The following GABRG3 variants were observed in gnomAD, a reference collection of about 807,000 sequenced individuals.
The protein encoded by GABRG3 is gamma-aminobutyric acid receptor subunit gamma-3.
Under a neutral mutation model 48.8 loss-of-function variants are expected in GABRG3, and 25 were observed. The observed-to-expected ratio is 0.51, with a 90% CI of 0.37 to 0.72. The LOEUF (loss-of-function observed/expected upper bound fraction) is 0.72. GABRG3 is among the 30% of genes least tolerant of loss of function. GABRG3 has a pLI of 0.00. For missense variants in GABRG3, 394 were observed against 577.9 expected (o/e 0.68, Z 3.26); for synonymous variants, 227 against 217.6 (o/e 1.04, Z -0.38).
chr15:27,298,957 C>A lies in GABRG3; in HGVS notation c.271-27852C>A, dbSNP rs183837075. Among the ~76,000 whole-genome samples the A allele has an allele frequency of 1.1e-3, 173 of 152,100 alleles. 3 individuals carry two copies. The East Asian group carries it at 0.014, about 12-fold the overall frequency. On this transcript the variant is annotated intron_variant, in intron 3 of 9. Transcript: ENST00000615808. ...TTCTGGGTTAAATGAACAACAACAA[C>A]AAAAAATGCTTCATTTTTATCTCCC...
chr15:27,232,513 A>G (rs975380541), intron 3 of GABRG3, among the ~76,000 whole-genome samples: 2 of 152,156 alleles, frequency 1.3e-5, no homozygotes, highest in Admixed American at 6.5e-5. Flanking sequence ...GAATGTAGCC[A>G]TCAGTTAGGA....
intron 3 of GABRG3, among the ~76,000 whole-genome samples, chr15:27,173,045 C>T (rs993961012): frequency 6.6e-6 from 1 of 152,180 alleles, no homozygotes; most frequent in Non-Finnish European, 1.5e-5. Context: ...TGTGAATGCA[C>T]TTAAACAAAC....
intron 3 of GABRG3, among the ~76,000 whole-genome samples, chr15:27,192,754 G>C (rs208144): frequency 0.06 from 9,116 of 152,230 alleles, 639 homozygotes; most frequent in African/African-American, 0.17. Context: ...TTCCATTGCT[G>C]GTGAGGAACT....
intron 5 of GABRG3, among the ~76,000 whole-genome samples, chr15:27,408,183 GAGTA>G (rs1887695018): frequency 6.6e-6 from 1 of 152,192 alleles, no homozygotes; most frequent in African/African-American, 2.4e-5. Context: ...TCTATAACAA[GAGTA>G]AGTATCAGAA....
chr15:27,043,982 G>C (rs1312458676), intron 3 of GABRG3, among the ~76,000 whole-genome samples: 9 of 152,204 alleles, frequency 5.9e-5, no homozygotes, highest in Non-Finnish European at 1.2e-4. Context: ...CCTGGCCTTT[G>C]CCTGGCCTGG....
chr15:27,018,782 T>C (rs966594513), intron 2 of GABRG3, among the ~76,000 whole-genome samples: 23 of 152,114 alleles, frequency 1.5e-4, no homozygotes, highest in African/African-American at 5.3e-4. Flanking sequence ...GGACTCAGAG[T>C]ATTGGCAAAA....
At chr15:27,389,589 T>C (rs1286791972) in intron 5 of GABRG3, among the ~76,000 whole-genome samples, 2 of 152,244 alleles carry the variant, frequency 1.3e-5, no homozygotes, top group Non-Finnish European at 2.9e-5. Context: ...ACATGCCTGA[T>C]GTTTTCAGGT....
At chr15:27,031,368 G>A (rs1896083528) in intron 3 of GABRG3, among the ~76,000 whole-genome samples, 1 of 152,064 alleles carries the variant, frequency 6.6e-6, no homozygotes, top group Admixed American at 6.6e-5. Flanking sequence ...TATTTTTACT[G>A]TTTCCATAGT....
At chr15:27,219,154 C>T (rs1889366361) in intron 3 of GABRG3, among the ~76,000 whole-genome samples, 1 of 152,202 alleles carries the variant, frequency 6.6e-6, no homozygotes. Flanking sequence ...TTATCATTCT[C>T]TCTCGCAGAT....
chr15:27,127,743 C>T (rs1331678913), intron 3 of GABRG3, among the ~76,000 whole-genome samples: 1 of 151,286 alleles, frequency 6.6e-6, no homozygotes, highest in Non-Finnish European at 1.5e-5. Flanking sequence ...AATAATCATT[C>T]TTTAAAAAAC....
intron 3 of GABRG3, among the ~76,000 whole-genome samples, chr15:27,235,784 A>G (rs149577874): frequency 8.5e-5 from 13 of 152,274 alleles, no homozygotes; most frequent in African/African-American, 3.1e-4. Context: ...TGTTCTCTGA[A>G]ACAAAGAACA....
chr15:27,163,407 C>G (rs28544030), intron 3 of GABRG3, among the ~76,000 whole-genome samples: 126,801 of 151,952 alleles, frequency 0.83, 53,380 homozygotes, highest in Non-Finnish European at 0.88. Context: ...GGGTCTTGCT[C>G]TGTTGCCCTG....
intron 3 of GABRG3, among the ~76,000 whole-genome samples, chr15:27,246,729 A>G (rs2140456894): frequency 2.0e-5 from 3 of 152,308 alleles, no homozygotes; most frequent in Middle Eastern, 6.8e-3. Context: ...CTATTTGGAT[A>G]AATATTGTGG....
chr15:27,098,098 T>G (rs898649098), intron 3 of GABRG3, among the ~76,000 whole-genome samples: 1 of 152,136 alleles, frequency 6.6e-6, no homozygotes, highest in Non-Finnish European at 1.5e-5. Flanking sequence ...TTTGTTAATA[T>G]GCTCTGAGAA....
chr15:27,294,341 C>T (rs985260255), intron 3 of GABRG3, among the ~76,000 whole-genome samples: 1 of 151,812 alleles, frequency 6.6e-6, no homozygotes, highest in Non-Finnish European at 1.5e-5. Flanking sequence ...CTCATCTTCC[C>T]AAGTAGCTGG....
intron 3 of GABRG3, among the ~76,000 whole-genome samples, chr15:27,210,873 C>T (rs150656877): frequency 3.5e-4 from 53 of 152,218 alleles, no homozygotes; most frequent in East Asian, 1.2e-3. Flanking sequence ...GGCCTGTTTC[C>T]GGGAAATATT....
chr15:26,984,011 C>T (rs1895104238), intron 2 of GABRG3, among the ~76,000 whole-genome samples: 1 of 152,072 alleles, frequency 6.6e-6, no homozygotes, highest in Admixed American at 6.6e-5. Context: ...GCCTCGTTGT[C>T]GCCCCCTACA....
intron 3 of GABRG3, among the ~76,000 whole-genome samples, chr15:27,042,500 C>T (rs896941342): frequency 5.3e-5 from 8 of 152,202 alleles, no homozygotes; most frequent in East Asian, 1.9e-4. Flanking sequence ...AGAGGATGCC[C>T]GTTGCCTCCC....
At chr15:27,167,911 A>G (rs576275995) in intron 3 of GABRG3, among the ~76,000 whole-genome samples, 5 of 152,264 alleles carry the variant, frequency 3.3e-5, no homozygotes, top group African/African-American at 1.2e-4. Flanking sequence ...GTGTGCAGGA[A>G]CAGAGGCCCT....
Sources: gnomAD v4.1 joint callset for allele counts (sites outside exome capture counted in the v4.1 genomes callset) on GRCh38, gnomAD v4.1.1 for gene constraint, MANE v1.5 for transcripts, NCBI Gene and HGNC (gene_info 2026-07-23, HGNC 2026-07-21) for gene names.